The following RAPGEFL1 variants were observed in gnomAD, a reference collection of about 807,000 sequenced individuals.
RAPGEFL1 encodes rap guanine nucleotide exchange factor-like 1.
Under a neutral mutation model 64.4 loss-of-function variants are expected in RAPGEFL1, and 31 were observed. That is an observed-to-expected ratio of 0.48 (90% confidence interval 0.36 to 0.65). RAPGEFL1 has a LOEUF of 0.65. Ranked by LOEUF, RAPGEFL1 falls within the 30% of genes least tolerant of loss-of-function variation. The pLI is 0.00. For synonymous variants in RAPGEFL1, 331 were observed against 274.1 expected (o/e 1.21, Z -2.05); for missense variants, 682 against 677.4 (o/e 1.01, Z -0.08).
rs889152907 is a variant in RAPGEFL1, at chr17:40,191,007, T to C, written c.1335+245T>C. 4 of 600,804 alleles carry C rather than the reference T, an allele frequency of 6.7e-6. No individual in the cohort carries two copies. The allele number at this position is 600,804 out of a possible 1,614,324, so 37.2% of individuals were successfully genotyped here. A position where few individuals can be genotyped will look rare whatever the true frequency, so the allele number is the denominator to read the frequency against. ...TGACCCAGGATTTCTATTTTTAAAATATTCACTATTAAAGAAATAAAATAA... is the reference window on the plus strand; with the variant it reads ...TGACCCAGGATTTCTATTTTTAAAACATTCACTATTAAAGAAATAAAATAA... On this transcript the variant is annotated intron_variant, in intron 8 of 14. Transcript: ENST00000620260. This position sits in a 1 kb window ranked among gnomAD's most constrained non-coding sequence, Gnocchi z 5.1.
At chr17:40,181,491 G>A in intron 1 of RAPGEFL1, 125 bp from the exon 2 acceptor site, 1 of 677,678 alleles carries the variant, frequency 1.5e-6, no homozygotes, top group Non-Finnish European at 2.7e-6. Flanking sequence ...GACAAGGCAG[G>A]TGGCTGGGGC....
rs142961531 is a variant in RAPGEFL1, at chr17:40,191,162, T to G, written c.1336-154T>G. The G allele has an allele frequency of 8.0e-4, 558 of 698,416 alleles. 6 individuals are homozygous for G. In the African/African-American group the frequency reaches 9.4e-3, roughly 12 times the overall value. The allele number at this position is 698,416 out of a possible 1,614,324, so 43.3% of individuals were successfully genotyped here. On this transcript the variant is annotated intron_variant, in intron 8 of 14. Coordinates refer to ENST00000620260, the MANE Select transcript of RAPGEFL1 (RefSeq NM_016339.6). This position sits in a 1 kb window ranked among gnomAD's most constrained non-coding sequence, Gnocchi z 5.1. ...GCTGGTTGTTTTCTTTTTCCGCATCTTTGCCGCCTCCTGTCCTTTCTATTT... is the reference window on the plus strand; with the variant it reads ...GCTGGTTGTTTTCTTTTTCCGCATCGTTGCCGCCTCCTGTCCTTTCTATTT...
Position 40,178,202 on chromosome 17 carries a change from T to C in RAPGEFL1, c.341T>C (p.Leu114Pro). Residue 114 changes from leucine to proline, a missense_variant, in exon 1 of 15, where the codon CTC (leucine) becomes CCC (proline). Around this residue, in one of 2 missense-constraint regions of RAPGEFL1, gnomAD observed 271 missense variants for 158.0 expected, o/e 1.72. Coordinates refer to ENST00000620260, the MANE Select transcript of RAPGEFL1 (RefSeq NM_016339.6). ...GAGGAGGTGCCGGGGCCCGGGCCTC[T>C]CGGGGGAGGGGGGCCCCTGCGCTCC... is the stretch of plus-strand genomic sequence containing the variant. Reference protein sequence around the residue: ...QLEEVPGPGPLGGGGPLRSPS... With the variant: ...QLEEVPGPGPPGGGGPLRSPS... 1 of 552,808 alleles carries C rather than the reference T, an allele frequency of 1.8e-6. No individual in the cohort carries two copies. Among genetic ancestry groups the C allele is most frequent in the Non-Finnish European group, 3.2e-6 (1 of 308,744 alleles). 34.2% of individuals were successfully genotyped at this position (552,808 alleles called of 1,614,324 possible).
rs1233624346 is a variant in RAPGEFL1, at chr17:40,181,677, G to T, written c.582G>T (p.Leu194=). ...TCTTCCTCCCGACGGAGAAATTTCT[G>T]CAGGAGCTACACCAGTAATATCCTT... ...HSLFLPTEKF[L]QELHQYFVRA... The change falls in exon 2 of 15, where the codon CTG becomes CTT. Residue 194 remains leucine, a synonymous_variant. Coordinates refer to ENST00000620260, the MANE Select transcript of RAPGEFL1 (RefSeq NM_016339.6). 2.8e-6 allele frequency: 2 copies of T among 702,758 alleles called. No homozygotes were observed. Among genetic ancestry groups the T allele is most frequent in the East Asian group, 2.7e-5 (1 of 37,286 alleles). The allele number at this position is 702,758 out of a possible 1,614,324, so 43.5% of individuals were successfully genotyped here.
intron 14 of RAPGEFL1, 33 bp from the exon 15 acceptor site, chr17:40,193,631 G>A: frequency 6.2e-7 from 1 of 1,613,926 alleles, no homozygotes; most frequent in Non-Finnish European, 8.5e-7. Flanking sequence ...GGGAAGCTGG[G>A]AACCTGACTG....
chr17:40,192,558 G>A, intron 11 of RAPGEFL1, 48 bp from the exon 12 acceptor site: 1 of 1,477,964 alleles, frequency 6.8e-7, no homozygotes, highest in Non-Finnish European at 9.4e-7. Flanking sequence ...ACATCTTTGG[G>A]ATGCATTGGC....
intron 11 of RAPGEFL1, 69 bp downstream of exon 11, chr17:40,192,332 C>A: frequency 6.6e-7 from 1 of 1,506,392 alleles, no homozygotes; most frequent in Non-Finnish European, 9.2e-7. Flanking sequence ...CCCATAAACC[C>A]CCTTCCTCAA....
chr17:40,180,959 C>A (rs1989876320), intron 1 of RAPGEFL1, among the ~76,000 whole-genome samples: 1 of 152,220 alleles, frequency 6.6e-6, no homozygotes, highest in African/African-American at 2.4e-5. Context: ...GGCTGACTGG[C>A]TGAGCCAGGC....
At chr17:40,190,856 C>T (rs919054413) in intron 8 of RAPGEFL1, 94 bp downstream of exon 8, 1 of 1,545,042 alleles carries the variant, frequency 6.5e-7, no homozygotes. Flanking sequence ...GGTTCCAAGG[C>T]TCACTTGCAG....
upstream of RAPGEFL1, chr17:40,177,364 C>G (rs1432489719): frequency 1.4e-6 from 1 of 701,744 alleles, no homozygotes; most frequent in East Asian, 2.7e-5. Context: ...GCGGTCAACC[C>G]CAGCGCGCGA....
At chr17:40,193,134 C>A in intron 13 of RAPGEFL1, 144 bp downstream of exon 13, 1 of 979,940 alleles carries the variant, frequency 1.0e-6, no homozygotes, top group Non-Finnish European at 1.6e-6. Context: ...CTGGTGGCAT[C>A]ACTGTGGCAA....
chr17:40,184,185 G>T (rs890978786), intron 2 of RAPGEFL1, 29 bp from the exon 3 acceptor site: 2 of 1,502,686 alleles, frequency 1.3e-6, no homozygotes, highest in African/African-American at 1.4e-5. Context: ...GTCTGCTTGC[G>T]TAGGGATTTT....
intron 2 of RAPGEFL1, among the ~76,000 whole-genome samples, chr17:40,183,258 G>A (rs913057709): frequency 2.6e-5 from 4 of 152,096 alleles, no homozygotes. Flanking sequence ...TTTATTAGGC[G>A]CACTGTGAGC....
chr17:40,193,405 A>G lies in RAPGEFL1; in HGVS notation c.1852A>G (p.Ser618Gly). Residue 618 changes from serine to glycine, a missense_variant, in exon 14 of 15, where the codon AGC becomes GGC. Coordinates refer to ENST00000620260, the MANE Select transcript of RAPGEFL1 (RefSeq NM_016339.6). ...AGTGAGGACAATCCGCAAATACCGG[A>G]GCCGGCCCCTTTGTGAGTACCCAGG... ...EKVRTIRKYR[S>G]RPLCLDMEAS... is the part of the protein sequence containing the mutation. 6.2e-7 allele frequency: 1 copy of G among 1,614,184 alleles called. No homozygotes were observed. Among genetic ancestry groups the G allele is most frequent in the Non-Finnish European group, 8.5e-7 (1 of 1,180,030 alleles).
chr17:40,186,180 A>G (rs1468088933), intron 4 of RAPGEFL1, among the ~76,000 whole-genome samples: 3 of 151,386 alleles, frequency 2.0e-5, no homozygotes, highest in Non-Finnish European at 2.9e-5. Flanking sequence ...AGGCTGAGGC[A>G]GGAGAATGTC....
intron 4 of RAPGEFL1, chr17:40,188,539 C>T: frequency 3.0e-6 from 1 of 335,900 alleles, no homozygotes; most frequent in Non-Finnish European, 5.7e-6. Context: ...TCCCAGTCCT[C>T]AAGAGCTCTC....
At chr17:40,187,908 TG>T (rs1026954630) in intron 4 of RAPGEFL1, among the ~76,000 whole-genome samples, 2 of 145,846 alleles carry the variant, frequency 1.4e-5, no homozygotes, top group Non-Finnish European at 3.0e-5. Context: ...CCACCGCGCC[TG>T]GCCTTTTTTT....
In RAPGEFL1 at chr17:40,191,598, G is replaced by T; in HGVS notation, c.1531G>T (p.Asp511Tyr). ...CCCCCGCAGCTGCAAGCAGAACCAG[G>T]ACCTGCTGTCTTTCTACGCCGTGGT... ...KIAALCKQNQ[D>Y]LLSFYAVVMG... Residue 511 changes from aspartate to tyrosine, a missense_variant, in exon 10 of 15, where the codon GAC becomes TAC. Transcript: ENST00000620260. This position sits in a 1 kb window ranked among gnomAD's most constrained non-coding sequence, Gnocchi z 5.1. 6.2e-7 allele frequency: 1 copy of T among 1,612,422 alleles called. No homozygotes were observed. The highest frequency in any genetic ancestry group is 8.5e-7 in the Non-Finnish European group (1 of 1,179,576).
intron 13 of RAPGEFL1, 81 bp downstream of exon 13, chr17:40,193,071 T>C: frequency 3.0e-6 from 4 of 1,336,630 alleles, no homozygotes; most frequent in Non-Finnish European, 4.3e-6. Flanking sequence ...CTCCCAAAAA[T>C]AGCAGCCTTC....
Sources: allele counts gnomAD v4.1 joint callset (sites outside exome capture counted in the v4.1 genomes callset), GRCh38; gene constraint gnomAD v4.1.1; regional missense constraint gnomAD v4.1.1; non-coding constraint Gnocchi (gnomAD v3.1); transcripts MANE v1.5; gene names NCBI Gene and HGNC (gene_info 2026-07-23, HGNC 2026-07-21).